The following RSF1 variants were observed in gnomAD, a reference collection of about 807,000 sequenced individuals.
RSF1 encodes remodeling and spacing factor 1, also known as HBV pX-associated protein 8.
In RSF1, 13 loss-of-function variants were observed where a neutral mutation model predicts 145.2. The observed-to-expected ratio is 0.09, with a 90% CI of 0.06 to 0.14. The LOEUF is 0.14. RSF1 is among the 10% of genes least tolerant of loss of function. RSF1 has a pLI of 1.00. For synonymous variants in RSF1, 577 were observed against 592.6 expected (o/e 0.97, Z 0.38); for missense variants, 1,517 against 1,718.2 (o/e 0.88, Z 2.07).
intron 4 of RSF1, chr11:77,734,615 A>G: frequency 6.6e-7 from 1 of 1,517,176 alleles, no homozygotes; most frequent in Non-Finnish European, 9.0e-7. Flanking sequence ...TCATTCAGGT[A>G]ATGTGTCTCA....
At chr11:77,730,825 TC>T (rs1361494368) in intron 4 of RSF1, among the ~76,000 whole-genome samples, 1 of 152,212 alleles carries the variant, frequency 6.6e-6, no homozygotes, top group African/African-American at 2.4e-5. Context: ...GACTTGCTCC[TC>T]CTTGCCTTCT....
intron 1 of RSF1, among the ~76,000 whole-genome samples, chr11:77,792,102 C>G (rs2135967733): frequency 6.6e-6 from 1 of 152,204 alleles, no homozygotes; most frequent in East Asian, 1.9e-4. Context: ...GGGGAGGCTT[C>G]ACAATCATGG....
At chr11:77,669,509 C>G (rs1031324771) in intron 15 of RSF1, among the ~76,000 whole-genome samples, 6 of 152,118 alleles carry the variant, frequency 3.9e-5, no homozygotes, top group Non-Finnish European at 8.8e-5. Context: ...TCTGTGTTAT[C>G]TAATATGATA....
In RSF1 at chr11:77,661,186, T is replaced by G. The variant is rs1404103091; in HGVS notation, c.*5731A>C. ...TGAATAGATTAAAATCAAGCCCTGC[T>G]CTACCACCATCTTAGCATAGGACAT... On this transcript the variant is annotated 3_prime_UTR_variant, in exon 16 of 16. Coordinates refer to ENST00000308488, the MANE Select transcript of RSF1 (RefSeq NM_016578.4). 1 of 152,132 alleles carries G rather than the reference T, an allele frequency of 6.6e-6. No individual in the cohort carries two copies. Among genetic ancestry groups the G allele is most frequent in the Admixed American group, 6.6e-5 (1 of 15,248 alleles). The allele number at this position is 152,132 out of a possible 1,614,324, so 9.4% of individuals were successfully genotyped here. A position where few individuals can be genotyped will look rare whatever the true frequency, so the allele number is the denominator to read the frequency against.
intron 1 of RSF1, among the ~76,000 whole-genome samples, chr11:77,783,509 G>T (rs781636220): frequency 7.2e-5 from 11 of 152,104 alleles, no homozygotes; most frequent in Non-Finnish European, 1.3e-4. Flanking sequence ...GCTAGATATA[G>T]AAGTTTTCAT....
At chr11:77,734,415 C>T in intron 4 of RSF1, 1 of 1,115,020 alleles carries the variant, frequency 9.0e-7, no homozygotes, top group Non-Finnish European at 1.3e-6. Flanking sequence ...CCCCAACATG[C>T]ATGCACTGCC....
chr11:77,817,288 T>G (rs1948790871), intron 1 of RSF1, among the ~76,000 whole-genome samples: 1 of 152,228 alleles, frequency 6.6e-6, no homozygotes, highest in African/African-American at 2.4e-5. Flanking sequence ...AAATGTGTAT[T>G]ACTGTTGGGC....
chr11:77,771,523 G>C (rs556123799), intron 1 of RSF1, among the ~76,000 whole-genome samples: 6 of 152,178 alleles, frequency 3.9e-5, no homozygotes, highest in Non-Finnish European at 7.3e-5. Context: ...GCTATGTAAA[G>C]AGTTTAGATT....
chr11:77,865,565 T>C, the RSF1 span, among the ~76,000 whole-genome samples: 12 of 152,336 alleles, frequency 7.9e-5, no homozygotes, highest in African/African-American at 2.9e-4. Flanking sequence ...CATGACCACA[T>C]TTAACTGCAA....
chr11:77,831,438 C>T, the RSF1 span, among the ~76,000 whole-genome samples: 2 of 152,150 alleles, frequency 1.3e-5, no homozygotes, highest in Non-Finnish European at 2.9e-5. Context: ...TTGGAGACAA[C>T]CCAATGGCCA....
At chr11:77,675,285 A>G (rs1242486436) in intron 13 of RSF1, 29 bp from the exon 14 acceptor site, 2 of 1,569,774 alleles carry the variant, frequency 1.3e-6, no homozygotes. Context: ...ATAAAATACA[A>G]TGGTATTTAG....
intron 1 of RSF1, among the ~76,000 whole-genome samples, chr11:77,803,671 C>T (rs575418087): frequency 3.3e-5 from 5 of 151,926 alleles, no homozygotes; most frequent in South Asian, 2.1e-4. Flanking sequence ...CCCAGGTACA[C>T]AGGAGGCTGA....
the RSF1 span, among the ~76,000 whole-genome samples, chr11:77,832,951 ATGTGTGTGTGTGTGTGTGTGTGTGTGTG>A: frequency 2.9e-5 from 2 of 68,416 alleles, no homozygotes; most frequent in South Asian, 5.0e-4. Flanking sequence ...GTATATATAT[ATGTGTGTGTGTGTGTGTGTGTGTGTGTG>A]TGTGTGTGTG....
At chr11:77,866,005 G>A in the RSF1 span, among the ~76,000 whole-genome samples, 1 of 152,152 alleles carries the variant, frequency 6.6e-6, no homozygotes, top group East Asian at 1.9e-4. Context: ...GTCCACAGGG[G>A]ATAGATTCCA....
chr11:77,816,791 TG>T (rs1948785949), intron 1 of RSF1, among the ~76,000 whole-genome samples: 1 of 152,176 alleles, frequency 6.6e-6, no homozygotes, highest in Non-Finnish European at 1.5e-5. Context: ...AGGAGAAACC[TG>T]GGGAAGTCCA....
intron 4 of RSF1, among the ~76,000 whole-genome samples, chr11:77,732,963 T>A (rs975513024): frequency 3.9e-5 from 6 of 152,256 alleles, no homozygotes; most frequent in Admixed American, 1.3e-4. Flanking sequence ...TATAGTTTCA[T>A]AGGTCATCCC....
intron 1 of RSF1, among the ~76,000 whole-genome samples, chr11:77,788,280 C>T (rs765752054): frequency 6.8e-6 from 1 of 146,282 alleles, no homozygotes; most frequent in African/African-American, 2.5e-5. Context: ...AAAATCAAAC[C>T]TGACCCAGAA....
chr11:77,780,574 C>G (rs992262578), intron 1 of RSF1, among the ~76,000 whole-genome samples: 2 of 152,094 alleles, frequency 1.3e-5, no homozygotes, highest in Non-Finnish European at 2.9e-5. Flanking sequence ...ACCTGTAATC[C>G]CAGCACTTTG....
chr11:77,697,600 T>G (rs545049467), intron 7 of RSF1, among the ~76,000 whole-genome samples: 196 of 148,460 alleles, frequency 1.3e-3, no homozygotes, highest in African/African-American at 4.6e-3. Context: ...TTTGAAGAAC[T>G]TACTTCCTGG....
Sources: gnomAD v4.1 joint callset for allele counts (sites outside exome capture counted in the v4.1 genomes callset) on GRCh38, gnomAD v4.1.1 for gene constraint, MANE v1.5 for transcripts, NCBI Gene and HGNC (gene_info 2026-07-23, HGNC 2026-07-21) for gene names.